The following PTAFR variants were observed in gnomAD, a reference collection of about 807,000 sequenced individuals.
PTAFR encodes platelet activating factor receptor, also known as platelet-activating factor receptor.
In PTAFR, 8 loss-of-function variants were observed where a neutral mutation model predicts 14.7. That is an observed-to-expected ratio of 0.54 (90% CI 0.32 to 0.98). The LOEUF (loss-of-function observed/expected upper bound fraction) is 0.98. Among genes scored for constraint, PTAFR ranks in the 50% least tolerant of loss-of-function variants. PTAFR has a pLI of 0.04. For synonymous variants in PTAFR, 156 were observed against 176.5 expected (o/e 0.88, Z 0.92); for missense variants, 337 against 451.2 (o/e 0.75, Z 2.29).
At chr1:28,153,384 G>A (rs564187250) in intron 1 of PTAFR, among the ~76,000 whole-genome samples, 2 of 152,240 alleles carry the variant, frequency 1.3e-5, no homozygotes, top group African/African-American at 2.4e-5. Flanking sequence ...GCAGGGAGGA[G>A]GATGGGAAGC....
chr1:28,170,622 AG>A, intron 1 of PTAFR, among the ~76,000 whole-genome samples: 1 of 152,184 alleles, frequency 6.6e-6, no homozygotes, highest in Non-Finnish European at 1.5e-5. Flanking sequence ...CTGAGGCTGC[AG>A]GATCACTTGG....
intron 1 of PTAFR, among the ~76,000 whole-genome samples, chr1:28,190,114 G>A (rs980782320): frequency 6.6e-6 from 1 of 152,006 alleles, no homozygotes; most frequent in Non-Finnish European, 1.5e-5. Context: ...CTAGGATTAT[G>A]GTCATGTGCC....
At chr1:28,191,586 A>AAGAGAGAGAGAGAG in intron 1 of PTAFR, among the ~76,000 whole-genome samples, 1 of 145,570 alleles carries the variant, frequency 6.9e-6, no homozygotes, top group African/African-American at 2.5e-5. Flanking sequence ...GAAAAAAGAA[A>AAGAGAGAGAGAGAG]AGAGAGAGAG....
chr1:28,189,106 A>C, intron 1 of PTAFR, among the ~76,000 whole-genome samples: 1 of 152,294 alleles, frequency 6.6e-6, no homozygotes. Context: ...TTAATTTCAT[A>C]ATCAATGCTT....
upstream of PTAFR, among the ~76,000 whole-genome samples, chr1:28,180,272 C>T (rs936905783): frequency 2.0e-5 from 3 of 151,834 alleles, no homozygotes; most frequent in Non-Finnish European, 2.9e-5. Flanking sequence ...CCCAACTACC[C>T]GGGAGGCTGA....
At chr1:28,191,764 TAATTAAAAAAAAAAGAGGCC>T (rs1448311019) in intron 1 of PTAFR, among the ~76,000 whole-genome samples, 1 of 150,790 alleles carries the variant, frequency 6.6e-6, no homozygotes, top group Non-Finnish European at 1.5e-5. Flanking sequence ...TTTTTTTTTT[TAATTAAAAAAAAAAGAGGCC>T]AGGTGTGGTA....
intron 1 of PTAFR, among the ~76,000 whole-genome samples, chr1:28,161,077 T>C (rs1273791467): frequency 3.3e-5 from 5 of 152,226 alleles, no homozygotes; most frequent in Admixed American, 6.5e-5. Flanking sequence ...TGTCATTGTC[T>C]GGATGTTTAC....
chr1:28,190,839 T>A (rs137859317), intron 1 of PTAFR, among the ~76,000 whole-genome samples: 142 of 152,228 alleles, frequency 9.3e-4, no homozygotes, highest in African/African-American at 3.0e-3. Context: ...TCCCTCTCTC[T>A]CACAGCCTTC....
At chr1:28,169,041 T>C (rs1646424020) in intron 1 of PTAFR, among the ~76,000 whole-genome samples, 2 of 152,122 alleles carry the variant, frequency 1.3e-5, no homozygotes, top group African/African-American at 4.8e-5. Flanking sequence ...ATTCTAGAGA[T>C]CTATTATACA....
intron 1 of PTAFR, among the ~76,000 whole-genome samples, chr1:28,166,569 G>T (rs988207324): frequency 6.6e-6 from 1 of 152,046 alleles, no homozygotes; most frequent in Non-Finnish European, 1.5e-5. Context: ...TACTCGGGAG[G>T]CTGAGGCACG....
At chr1:28,159,005 G>T (rs1646296079) in intron 1 of PTAFR, among the ~76,000 whole-genome samples, 1 of 152,212 alleles carries the variant, frequency 6.6e-6, no homozygotes, top group Admixed American at 6.5e-5. Context: ...AAATCAGATG[G>T]ACAGAATTTG....
intron 1 of PTAFR, among the ~76,000 whole-genome samples, chr1:28,188,876 G>T (rs535725659): frequency 1.6e-4 from 25 of 151,988 alleles, no homozygotes; most frequent in African/African-American, 6.0e-4. Flanking sequence ...AGTCAATAAA[G>T]GAATAGGCAA....
upstream of PTAFR, among the ~76,000 whole-genome samples, chr1:28,179,133 C>T (rs926413980): frequency 6.6e-6 from 1 of 152,186 alleles, no homozygotes; most frequent in Non-Finnish European, 1.5e-5. Flanking sequence ...AAACTGCTCA[C>T]CTAAAAGGCA....
At chr1:28,192,414 C>T (rs142615339) in intron 1 of PTAFR, among the ~76,000 whole-genome samples, 93 of 151,874 alleles carry the variant, frequency 6.1e-4, no homozygotes, top group African/African-American at 1.6e-3. Flanking sequence ...GAAAATTAGC[C>T]GGGCATGATG....
intron 1 of PTAFR, among the ~76,000 whole-genome samples, chr1:28,182,378 G>A (rs756320210): frequency 7.6e-6 from 1 of 132,122 alleles, no homozygotes; most frequent in East Asian, 2.8e-4. Flanking sequence ...GGGAGGGAGG[G>A]AGGGAAATTG....
At position 28,150,659 on chromosome 1, in the gene PTAFR, C is replaced by A; in HGVS notation, c.363G>T (p.Arg121=). 1 of 1,614,110 alleles carries A rather than the reference C, an allele frequency of 6.2e-7. No individual in the cohort carries two copies. The highest frequency in any genetic ancestry group is 8.5e-7 in the Non-Finnish European group (1 of 1,180,028). The change falls in exon 2 of 2, where the codon CGG becomes CGT. Residue 121 remains arginine, a synonymous_variant. Transcript: ENST00000373857. This position sits in a 1 kb window ranked among gnomAD's most constrained non-coding sequence, Gnocchi z 6.3. ...ITYNRFQAVT[R]PIKTAQANTR... is the part of the protein sequence containing the mutation. ...TGTTGGCCTGAGCAGTCTTGATGGG[C>A]CGAGTTACTGCCTGGAAGCGGTTAT...
chr1:28,161,399 G>C, intron 1 of PTAFR, among the ~76,000 whole-genome samples: 1 of 152,160 alleles, frequency 6.6e-6, no homozygotes, highest in South Asian at 2.1e-4. Context: ...CTAGTTGGGG[G>C]AAACAGTCAA....
intron 1 of PTAFR, among the ~76,000 whole-genome samples, chr1:28,159,614 G>A (rs997298866): frequency 2.6e-5 from 4 of 151,900 alleles, no homozygotes; most frequent in Non-Finnish European, 2.9e-5. Flanking sequence ...GAGGCAGGAC[G>A]ATCACTCGAG....
At chr1:28,160,550 C>T (rs1646311201) in intron 1 of PTAFR, among the ~76,000 whole-genome samples, 1 of 138,078 alleles carries the variant, frequency 7.2e-6, no homozygotes, top group Non-Finnish European at 1.6e-5. Flanking sequence ...CCCCACCTTG[C>T]CTCCCCCCGC....
Sources: gnomAD v4.1 joint callset for allele counts (sites outside exome capture counted in the v4.1 genomes callset) on GRCh38, gnomAD v4.1.1 for gene constraint, Gnocchi (gnomAD v3.1) non-coding constraint, MANE v1.5 for transcripts, NCBI Gene and HGNC (gene_info 2026-07-23, HGNC 2026-07-21) for gene names.